ZNF605: variants seen among roughly 807,000 people sequenced by gnomAD.
ZNF605 encodes the protein zinc finger protein 605.
Under a neutral mutation model 7.9 loss-of-function variants are expected in ZNF605, and 9 were observed. That is an observed-to-expected ratio of 1.14 (90% confidence interval 0.68 to 1.98). ZNF605 has a LOEUF of 1.98. Ranked by LOEUF, ZNF605 falls within the 30% of genes most tolerant of loss-of-function variation. The probability of loss-of-function intolerance (pLI) is 0.00; values close to 1 mark genes in which losing one functional copy is unlikely to be tolerated. For synonymous variants in ZNF605, 255 were observed against 260.1 expected, an observed-to-expected ratio of 0.98 and a Z score of 0.19; for missense variants, 673 against 762.4, an observed-to-expected ratio of 0.88 and a Z score of 1.38.
intron 1 of ZNF605, among the ~76,000 whole-genome samples, chr12:132,953,210 C>G (rs1952591100): frequency 6.6e-6 from 1 of 152,210 alleles, no homozygotes; most frequent in Non-Finnish European, 1.5e-5. Flanking sequence ...CACAGGACCA[C>G]AATGGCTGAC....
Position 132,926,550 on chromosome 12 carries a change from T to C in ZNF605, c.749A>G (p.Glu250Gly). 1 of 1,614,228 alleles carries C rather than the reference T, an allele frequency of 6.2e-7. No individual in the cohort carries two copies. The highest frequency in any genetic ancestry group is 8.5e-7 in the Non-Finnish European group (1 of 1,180,038). ...LILHQRIHTG[E>G]KPYGCSECGK... ...ACATTCACTGCATCCATACGGCTTC[T>C]CTCCAGTATGAATTCTCTGATGTAA... Residue 250 changes from glutamate (E) to glycine (G), a missense_variant, in exon 5 of 5, where the codon GAG becomes GGG. Glu to Gly is a moderately conservative substitution (Grantham distance 98). Coordinates refer to ENST00000360187, the MANE Select transcript of ZNF605 (RefSeq NM_183238.4).
chr12:132,944,418 T>C (rs1309197154), intron 3 of ZNF605, among the ~76,000 whole-genome samples: 1 of 152,216 alleles, frequency 6.6e-6, no homozygotes, highest in Non-Finnish European at 1.5e-5. Flanking sequence ...AGTCTGTTTC[T>C]TGAGTCAACA....
chr12:132,947,001 C>A (rs1952500413), intron 2 of ZNF605, among the ~76,000 whole-genome samples: 1 of 82,580 alleles, frequency 1.2e-5, no homozygotes, highest in African/African-American at 5.6e-5. Context: ...AAGAGATTCA[C>A]CCCCTTGTTT....
In ZNF605 at chr12:132,926,543, CG is replaced by C; in HGVS notation, c.755del (p.Pro252ArgfsTer22). The C allele has an allele frequency of 6.2e-7, 1 of 1,614,076 alleles. No individual in the cohort carries two copies. The highest frequency in any genetic ancestry group is 8.5e-7 in the Non-Finnish European group (1 of 1,180,016). On this transcript the variant is annotated frameshift_variant, in exon 5 of 5. Transcript: ENST00000360187. LOFTEE classifies it low-confidence loss of function (END_TRUNC). ...CTTTTCCACATTCACTGCATCCATA[CG>C]GCTTCTCTCCAGTATGAATTCTCTG... ...LHQRIHTGEKPYGCSECGKAF... is the reference protein window; with the variant it reads ...LHQRIHTGEKXYGCSECGKAF...
intron 3 of ZNF605, among the ~76,000 whole-genome samples, chr12:132,938,049 C>T (rs1016632908): frequency 1.3e-5 from 2 of 152,310 alleles, no homozygotes; most frequent in East Asian, 1.9e-4. Flanking sequence ...GGCGCGATCT[C>T]GGCTCATGGC....
chr12:132,928,039 A>C (rs1952266294), intron 4 of ZNF605, among the ~76,000 whole-genome samples: 1 of 152,214 alleles, frequency 6.6e-6, no homozygotes, highest in Non-Finnish European at 1.5e-5. Flanking sequence ...AGCAATTTCC[A>C]ATCAAATACT....
intron 1 of ZNF605, among the ~76,000 whole-genome samples, chr12:132,953,146 C>A (rs1447565603): frequency 6.6e-6 from 1 of 152,216 alleles, no homozygotes; most frequent in Admixed American, 6.5e-5. Context: ...GACCACACAA[C>A]CACCGAACCC....
At chr12:132,943,664 G>A (rs900602267) in intron 3 of ZNF605, among the ~76,000 whole-genome samples, 2 of 152,094 alleles carry the variant, frequency 1.3e-5, no homozygotes, top group Non-Finnish European at 2.9e-5. Flanking sequence ...TCAGTACCTG[G>A]TACTTTTCTA....
At chr12:132,948,512 A>G (rs1340952314) in intron 1 of ZNF605, 1 of 152,280 alleles carries the variant, frequency 6.6e-6, no homozygotes, top group Non-Finnish European at 1.5e-5. Context: ...CCGGCTAGCC[A>G]GGAAGATAAC....
intron 3 of ZNF605, among the ~76,000 whole-genome samples, chr12:132,942,878 C>T (rs1952457505): frequency 6.6e-6 from 1 of 152,192 alleles, no homozygotes; most frequent in African/African-American, 2.4e-5. Context: ...CATGTTCAGT[C>T]CTCCGGGCCC....
rs1952188060 is a variant in ZNF605, at chr12:132,919,898, G to C, written c.*5475C>G. ...GCTCTGTCACCCAGGCTGGAGTGCA[G>C]TGGTGTGATCTCAGCTCACTGCAAC... On this transcript the variant is annotated 3_prime_UTR_variant, in exon 5 of 5. Transcript: ENST00000360187. 2 of 152,190 alleles carry C rather than the reference G, an allele frequency of 1.3e-5. No individual in the cohort carries two copies. The highest frequency in any genetic ancestry group is 4.1e-4 in the South Asian group (2 of 4,822). 9.4% of individuals were successfully genotyped at this position (152,190 alleles called of 1,614,324 possible).
At chr12:132,932,412 T>A (rs1485771346) in intron 4 of ZNF605, among the ~76,000 whole-genome samples, 1 of 151,946 alleles carries the variant, frequency 6.6e-6, no homozygotes, top group East Asian at 1.9e-4. Flanking sequence ...AAGAAAAAAA[T>A]TATGAATTCA....
intron 3 of ZNF605, among the ~76,000 whole-genome samples, chr12:132,937,792 A>G (rs1952383252): frequency 6.6e-6 from 1 of 152,120 alleles, no homozygotes; most frequent in South Asian, 2.1e-4. Context: ...AAAAAGTGGA[A>G]CAATTAAGAT....
At position 132,945,329 on chromosome 12, in the gene ZNF605, A is replaced by C. The variant is rs1262278440; in HGVS notation, c.15+292T>G. The C allele has an allele frequency of 2.8e-6, 3 of 1,059,470 alleles. No individual in the cohort carries two copies. The Admixed American group carries it at 5.3e-5, about 19-fold the overall frequency. The allele number at this position is 1,059,470 out of a possible 1,614,324, so 65.6% of individuals were successfully genotyped here. ...TGGACATCTTCTTTCCCAAGTTTAT[A>C]TTTTCTCTTATTTAAATGTATTTAG... On this transcript the variant is annotated intron_variant, in intron 3 of 4. Transcript: ENST00000360187.
At position 132,919,485 on chromosome 12, in the gene ZNF605, G is replaced by A. The variant is rs1390029911; in HGVS notation, c.*5888C>T. 1 of 151,490 alleles carries A rather than the reference G, an allele frequency of 6.6e-6. No individual in the cohort carries two copies. Among genetic ancestry groups the A allele is most frequent in the Non-Finnish European group, 1.5e-5 (1 of 67,968 alleles). The allele number at this position is 151,490 out of a possible 1,614,324, so 9.4% of individuals were successfully genotyped here. A position where few individuals can be genotyped will look rare whatever the true frequency, so the allele number is the denominator to read the frequency against. On this transcript the variant is annotated 3_prime_UTR_variant, in exon 5 of 5. Transcript: ENST00000360187. ...GCTCACTGCAAGCTCCGCCTCCCGGGTTCACGCCATTCTCCTGCCTCAGCC... is the reference window on the plus strand; with the variant it reads ...GCTCACTGCAAGCTCCGCCTCCCGGATTCACGCCATTCTCCTGCCTCAGCC...
Position 132,946,398 on chromosome 12 carries a change from G to A in ZNF605, c.-162-601C>T, listed in dbSNP as rs902615082. ...ACGCAGGCTGGGGTGGAGCTGAGGC[G>A]TGGGTCTGAGGCTGAGCAGGGCCTG... On this transcript the variant is annotated intron_variant, in intron 2 of 4. Transcript: ENST00000360187. Among the ~76,000 whole-genome samples, 544 of 152,338 alleles carry A rather than the reference G, an allele frequency of 3.6e-3. 4 individuals are homozygous for A. The highest frequency in any genetic ancestry group is 0.012 in the African/African-American group (518 of 41,586).
At chr12:132,930,382 C>T (rs936619419) in intron 4 of ZNF605, among the ~76,000 whole-genome samples, 21 of 152,234 alleles carry the variant, frequency 1.4e-4, no homozygotes, top group African/African-American at 4.6e-4. Context: ...CTCTTTATTT[C>T]TTTCCTTCAT....
intron 4 of ZNF605, among the ~76,000 whole-genome samples, chr12:132,930,535 A>G (rs1034977627): frequency 6.6e-6 from 1 of 152,230 alleles, no homozygotes; most frequent in Admixed American, 6.5e-5. Flanking sequence ...TAGGTAGGAT[A>G]AATATTATTC....
intron 1 of ZNF605, among the ~76,000 whole-genome samples, chr12:132,954,120 A>G (rs1029052589): frequency 1.3e-5 from 2 of 151,378 alleles, no homozygotes; most frequent in Admixed American, 6.6e-5. Flanking sequence ...TACCATTCCT[A>G]CGTCACACCA....
Sources: allele counts gnomAD v4.1 joint callset (sites outside exome capture counted in the v4.1 genomes callset), GRCh38; gene constraint gnomAD v4.1.1; transcripts MANE v1.5; gene names NCBI Gene and HGNC (gene_info 2026-07-23, HGNC 2026-07-21).